The following RASGRF2 variants were observed in gnomAD, a reference collection of about 807,000 sequenced individuals.
The protein encoded by RASGRF2 is ras-specific guanine nucleotide-releasing factor 2.
Under a neutral mutation model 151.0 loss-of-function variants are expected in RASGRF2, and 76 were observed. The observed-to-expected ratio is 0.50, with a 90% CI of 0.42 to 0.61. The LOEUF (loss-of-function observed/expected upper bound fraction) is 0.61. Among genes scored for constraint, RASGRF2 ranks in the 20% least tolerant of loss-of-function variants. The probability of loss-of-function intolerance (pLI) is 0.00; values close to 1 mark genes in which losing one functional copy is unlikely to be tolerated. For synonymous variants in RASGRF2, 504 were observed against 566.5 expected (o/e 0.89, Z 1.57); for missense variants, 1,148 against 1,564.6 (o/e 0.73, Z 4.49).
intron 24 of RASGRF2, 132 bp from the exon 25 acceptor site, chr5:81,217,224 C>T: frequency 7.4e-7 from 1 of 1,343,132 alleles, no homozygotes; most frequent in Non-Finnish European, 9.9e-7. Flanking sequence ...GAATATGCTT[C>T]TGAAACTGAA....
chr5:80,980,837 A>C (rs1748275854), intron 1 of RASGRF2, among the ~76,000 whole-genome samples: 1 of 152,092 alleles, frequency 6.6e-6, no homozygotes, highest in Non-Finnish European at 1.5e-5. Flanking sequence ...CGTCTCTGTA[A>C]TTTTGAGGAG....
chr5:81,113,555 T>C lies in RASGRF2; in HGVS notation c.2105T>C (p.Phe702Ser). 6.2e-7 allele frequency: 1 copy of C among 1,611,174 alleles called. No individual in the cohort carries two copies. Among genetic ancestry groups the C allele is most frequent in the Non-Finnish European group, 8.5e-7 (1 of 1,177,462 alleles). The part of the protein sequence containing the change: ...SIPVRSLELF[F>S]ATSQNNRGEH... Reference sequence around the variant, plus strand: ...ATTTTTAGGTCATTGGAATTGTTTTTTGCTACCAGCCAGAACAACAGAGGT... The same window carrying C: ...ATTTTTAGGTCATTGGAATTGTTTTCTGCTACCAGCCAGAACAACAGAGGT... The change falls in exon 15 of 27, where the codon TTT becomes TCT. Residue 702 changes from phenylalanine to serine, a missense_variant. Coordinates refer to ENST00000265080, the MANE Select transcript of RASGRF2 (RefSeq NM_006909.3).
chr5:80,963,517 TA>T (rs1747629065), intron 1 of RASGRF2, among the ~76,000 whole-genome samples: 1 of 152,260 alleles, frequency 6.6e-6, no homozygotes, highest in Non-Finnish European at 1.5e-5. Context: ...GGTTTCCAAT[TA>T]CCTTTCAATA....
At position 81,094,284 on chromosome 5, in the gene RASGRF2, G is replaced by T. The variant is rs763459099; in HGVS notation, c.1552-12G>T. 2 of 1,611,914 alleles carry T rather than the reference G, an allele frequency of 1.2e-6. No homozygotes were observed. Among genetic ancestry groups the T allele is most frequent in the Admixed American group, 1.7e-5 (1 of 59,944 alleles). On this transcript the variant is annotated splice_polypyrimidine_tract_variant and intron_variant, in intron 10 of 26. Coordinates refer to ENST00000265080, the MANE Select transcript of RASGRF2 (RefSeq NM_006909.3). ...CCTTCAGCGTCTTAGTGAAAAATTG[G>T]TTTGTTTCCAGACAGGTGGGGTTCT...
intron 25 of RASGRF2, among the ~76,000 whole-genome samples, chr5:81,218,548 T>A (rs534932758): frequency 6.6e-6 from 1 of 152,232 alleles, no homozygotes; most frequent in Non-Finnish European, 1.5e-5. Flanking sequence ...TTCTGTTCCA[T>A]TGGTCTACAT....
rs759863220 is a variant in RASGRF2 at position 81,219,697 on chromosome 5, T to C, written c.3553-13T>C. On this transcript the variant is annotated splice_polypyrimidine_tract_variant and intron_variant, in intron 25 of 26. Coordinates refer to ENST00000265080, the MANE Select transcript of RASGRF2 (RefSeq NM_006909.3). Reference sequence around the variant, plus strand: ...TTGTTGTTGTCATTTTGTTTTGTTTTTTTCTCTGTTAGATATCACACATCA... The same window carrying C: ...TTGTTGTTGTCATTTTGTTTTGTTTCTTTCTCTGTTAGATATCACACATCA... The C allele has an allele frequency of 3.1e-6, 5 of 1,601,776 alleles. No homozygotes were observed. The highest frequency in any genetic ancestry group is 2.6e-6 in the Non-Finnish European group (3 of 1,169,148).
chr5:80,974,712 T>C (rs1748053377), intron 1 of RASGRF2, among the ~76,000 whole-genome samples: 2 of 152,216 alleles, frequency 1.3e-5, no homozygotes, highest in South Asian at 4.1e-4. Context: ...TATCTTCAGA[T>C]GGGAATTTAG....
At chr5:80,971,567 A>ATTT (rs775200485) in intron 1 of RASGRF2, among the ~76,000 whole-genome samples, 2,513 of 131,252 alleles carry the variant, frequency 0.019, 57 homozygotes, top group South Asian at 0.071. Flanking sequence ...CACACCTGGT[A>ATTT]TTTTTTTTTT....
intron 1 of RASGRF2, among the ~76,000 whole-genome samples, chr5:80,969,349 T>C (rs1420511342): frequency 6.6e-6 from 1 of 151,422 alleles, no homozygotes; most frequent in Admixed American, 6.6e-5. Context: ...TTGGTCAGGC[T>C]GGTCTCGAAC....
intron 1 of RASGRF2, among the ~76,000 whole-genome samples, chr5:80,966,822 T>C (rs1368462084): frequency 6.6e-6 from 1 of 152,186 alleles, no homozygotes; most frequent in East Asian, 1.9e-4. Context: ...CTAAAACTTA[T>C]TACAGTGACT....
intron 9 of RASGRF2, 195 bp downstream of exon 9, chr5:81,087,148 A>G: frequency 1.4e-6 from 1 of 704,132 alleles, no homozygotes; most frequent in Non-Finnish European, 2.6e-6. Flanking sequence ...AAACAGCAAC[A>G]CAATCATAGT....
In RASGRF2 at chr5:81,227,073, G is replaced by T. The variant is rs1032336016; in HGVS notation, c.*1303G>T. On this transcript the variant is annotated 3_prime_UTR_variant, in exon 27 of 27. Coordinates refer to ENST00000265080, the MANE Select transcript of RASGRF2 (RefSeq NM_006909.3). Reference sequence around the variant, plus strand: ...GACTGCTGCTTTAAAAGAAGGAAGAGAAAAAATATAGTTCTATTTCCCTGA... The same window carrying T: ...GACTGCTGCTTTAAAAGAAGGAAGATAAAAAATATAGTTCTATTTCCCTGA... 1.3e-5 allele frequency: 2 copies of T among 152,150 alleles called. No homozygotes were observed. The highest frequency in any genetic ancestry group is 2.9e-5 in the Non-Finnish European group (2 of 68,024). 9.4% of individuals were successfully genotyped at this position (152,150 alleles called of 1,614,324 possible). A position where few individuals can be genotyped will look rare whatever the true frequency, so the allele number is the denominator to read the frequency against.
At chr5:81,018,702 G>C (rs974407621) in intron 1 of RASGRF2, among the ~76,000 whole-genome samples, 1 of 151,964 alleles carries the variant, frequency 6.6e-6, no homozygotes, top group African/African-American at 2.4e-5. Flanking sequence ...AAGAGGAGGA[G>C]GTAATGAATT....
In RASGRF2 at chr5:81,082,647, G is replaced by A. The variant is rs16878417; in HGVS notation, c.1161+1858G>A. On this transcript the variant is annotated intron_variant, in intron 7 of 26. Coordinates refer to ENST00000265080, the MANE Select transcript of RASGRF2 (RefSeq NM_006909.3). ...ATGTTTTGGATTGGGTAACTATGTG[G>A]TGTTTCAAGGAGCTTGGTGTTAGTC... 7.1e-3 allele frequency among the ~76,000 whole-genome samples: 1,074 copies of A among 152,314 alleles called. 6 individuals are homozygous for A. The highest frequency in any genetic ancestry group is 0.035 in the South Asian group (170 of 4,822).
intron 2 of RASGRF2, among the ~76,000 whole-genome samples, chr5:81,044,744 C>T (rs772842460): frequency 2.6e-5 from 4 of 152,116 alleles, no homozygotes; most frequent in African/African-American, 9.7e-5. Context: ...GATTCAAACC[C>T]AAGTTGAATT....
At chr5:80,961,576 C>T (rs1292041981) in intron 1 of RASGRF2, among the ~76,000 whole-genome samples, 2 of 152,126 alleles carry the variant, frequency 1.3e-5, no homozygotes, top group Non-Finnish European at 2.9e-5. Flanking sequence ...GTCAGTTGGC[C>T]TTGCTAACAT....
rs1747506514 is a variant in RASGRF2 at position 80,960,482 on chromosome 5, T to G, written c.-257T>G. On this transcript the variant is annotated 5_prime_UTR_variant, in exon 1 of 27. Transcript: ENST00000265080. This position sits in a 1 kb window ranked among gnomAD's most constrained non-coding sequence, Gnocchi z 5.5. ...CGCGCTCCACGCGGGCGTTGGGGGC[T>G]TGGGGGGCTCCGGGGGCTCGGCCGG... Among the ~76,000 whole-genome samples, 1 of 143,108 alleles carries G rather than the reference T, an allele frequency of 7.0e-6. No individual in the cohort carries two copies. The highest frequency in any genetic ancestry group is 1.5e-5 in the Non-Finnish European group (1 of 65,134). The allele number at this position is 143,108 out of a possible 152,430, so 93.9% of individuals were successfully genotyped here. A position where few individuals can be genotyped will look rare whatever the true frequency, so the allele number is the denominator to read the frequency against.
chr5:81,119,684 T>C (rs1177056352), intron 15 of RASGRF2, among the ~76,000 whole-genome samples: 1 of 152,216 alleles, frequency 6.6e-6, no homozygotes, highest in Non-Finnish European at 1.5e-5. Flanking sequence ...GAGAGCTTTG[T>C]CATGTGGCAG....
chr5:80,976,607 C>T (rs79344586), intron 1 of RASGRF2, among the ~76,000 whole-genome samples: 2,875 of 152,204 alleles, frequency 0.019, 42 homozygotes, highest in African/African-American at 0.034. Flanking sequence ...TGTTGGGGAA[C>T]AGCAGTCTGT....
Sources: gnomAD v4.1 joint callset for allele counts (sites outside exome capture counted in the v4.1 genomes callset) on GRCh38, gnomAD v4.1.1 for gene constraint, Gnocchi (gnomAD v3.1) non-coding constraint, MANE v1.5 for transcripts, NCBI Gene and HGNC (gene_info 2026-07-23, HGNC 2026-07-21) for gene names.